PTPRD: variants seen among roughly 807,000 people sequenced by gnomAD.
The protein encoded by PTPRD is protein tyrosine phosphatase receptor type D.
A neutral mutation model predicts 214.5 loss-of-function variants in PTPRD; 34 were observed. The ratio of observed to expected loss-of-function variants is 0.16; its 90% confidence interval spans 0.12 to 0.21. PTPRD has a LOEUF of 0.21. Ranked by LOEUF, PTPRD falls within the 10% of genes least tolerant of loss-of-function variation. PTPRD has a pLI of 1.00. For synonymous variants in PTPRD, 1,128 were observed against 845.7 expected, an observed-to-expected ratio of 1.33 and a Z score of -5.79; for missense variants, 2,545 against 2,398.7, an observed-to-expected ratio of 1.06 and a Z score of -1.27.
At chr9:10,025,749 C>T (rs2096911352) in intron 4 of PTPRD, among the ~76,000 whole-genome samples, 2 of 152,226 alleles carry the variant, frequency 1.3e-5, no homozygotes, top group South Asian at 4.1e-4. Context: ...GAGAGCTGTG[C>T]CGCCTCCACT....
intron 7 of PTPRD, among the ~76,000 whole-genome samples, chr9:9,659,108 T>C (rs970560087): frequency 4.6e-5 from 7 of 152,136 alleles, no homozygotes; most frequent in Admixed American, 4.6e-4. Context: ...ACAGTTGCTT[T>C]TTTATTAAAT....
chr9:8,818,728 TTTAA>T (rs1381354909), intron 11 of PTPRD, among the ~76,000 whole-genome samples: 68 of 152,240 alleles, frequency 4.5e-4, no homozygotes, highest in African/African-American at 1.6e-3. Context: ...TACGCACATA[TTTAA>T]TTGTTACTAA....
chr9:10,413,136 T>C (rs2098454215), intron 2 of PTPRD, among the ~76,000 whole-genome samples: 1 of 151,804 alleles, frequency 6.6e-6, no homozygotes, highest in Non-Finnish European at 1.5e-5. Flanking sequence ...GAGAAAGATA[T>C]AAAAAGAATC....
chr9:9,215,020 A>T (rs1486482655), intron 9 of PTPRD, among the ~76,000 whole-genome samples: 1 of 152,174 alleles, frequency 6.6e-6, no homozygotes, highest in Non-Finnish European at 1.5e-5. Context: ...CACTACTTAT[A>T]TATTTGTTCA....
At position 9,241,798 on chromosome 9, in the gene PTPRD, A is replaced by C. The variant is rs974936973; in HGVS notation, c.-202-58435T>G. On this transcript the variant is annotated intron_variant, in intron 9 of 45. Coordinates refer to ENST00000381196, the MANE Select transcript of PTPRD (RefSeq NM_002839.4). ...ACTGATGGGTCTTGACTCTTTATCC[A>C]ATTTGCCAGTCTGTGTCTTTTAATT... is the stretch of plus-strand genomic sequence containing the variant. Among the ~76,000 whole-genome samples, 9 of 151,518 alleles carry C rather than the reference A, an allele frequency of 5.9e-5. No individual in the cohort carries two copies. In the East Asian group the frequency reaches 1.8e-3, roughly 30 times the overall value.
intron 10 of PTPRD, among the ~76,000 whole-genome samples, chr9:9,031,219 C>T (rs906852631): frequency 6.6e-6 from 1 of 151,892 alleles, no homozygotes; most frequent in Non-Finnish European, 1.5e-5. Flanking sequence ...TATTATATTA[C>T]TAATGCCTGA....
At chr9:8,319,150 G>A (rs988080416) in intron 45 of PTPRD, among the ~76,000 whole-genome samples, 3 of 152,088 alleles carry the variant, frequency 2.0e-5, no homozygotes, top group Non-Finnish European at 4.4e-5. Context: ...CCGTCTGAAA[G>A]ATACTGTGGA....
At chr9:10,529,875 A>G (rs1384124424) in intron 2 of PTPRD, among the ~76,000 whole-genome samples, 2 of 151,686 alleles carry the variant, frequency 1.3e-5, no homozygotes, top group Admixed American at 6.6e-5. Context: ...GGAAACAAGG[A>G]GGGGAACATC....
intron 5 of PTPRD, among the ~76,000 whole-genome samples, chr9:9,936,691 G>C (rs2089577635): frequency 1.5e-5 from 2 of 133,672 alleles, no homozygotes; most frequent in African/African-American, 6.0e-5. Context: ...TCTAGAACTA[G>C]AAATACCATT....
intron 2 of PTPRD, among the ~76,000 whole-genome samples, chr9:10,479,890 A>C (rs77179323): frequency 0.024 from 3,647 of 152,192 alleles, 147 homozygotes; most frequent in African/African-American, 0.082. Context: ...AAGAGTCTTC[A>C]ATCTGAAGGG....
intron 9 of PTPRD, among the ~76,000 whole-genome samples, chr9:9,212,602 G>T (rs1437394806): frequency 6.6e-6 from 1 of 152,154 alleles, no homozygotes; most frequent in Non-Finnish European, 1.5e-5. Context: ...ATAGAAAGCT[G>T]GGAGAAAAAC....
chr9:10,238,447 C>T (rs1402895116), intron 3 of PTPRD, among the ~76,000 whole-genome samples: 1 of 151,896 alleles, frequency 6.6e-6, no homozygotes, highest in African/African-American at 2.4e-5. Flanking sequence ...AACTTCCAAC[C>T]TTCTCCTTGT....
chr9:9,810,251 T>C (rs745761829), intron 5 of PTPRD, among the ~76,000 whole-genome samples: 1 of 152,030 alleles, frequency 6.6e-6, no homozygotes, highest in African/African-American at 2.4e-5. Flanking sequence ...ATACAAAATA[T>C]GTGTTAATCA....
intron 2 of PTPRD, among the ~76,000 whole-genome samples, chr9:10,550,950 C>G (rs2061214093): frequency 6.6e-6 from 1 of 152,172 alleles, no homozygotes; most frequent in Non-Finnish European, 1.5e-5. Context: ...TATGGCTGTA[C>G]ACTGTACACA....
At chr9:9,454,234 A>G (rs1172684688) in intron 8 of PTPRD, among the ~76,000 whole-genome samples, 2 of 151,734 alleles carry the variant, frequency 1.3e-5, no homozygotes, top group Non-Finnish European at 3.0e-5. Context: ...TGGGGAACAA[A>G]AAAAGCCCTG....
chr9:10,608,643 C>T (rs1221380298), intron 2 of PTPRD, among the ~76,000 whole-genome samples: 2 of 152,072 alleles, frequency 1.3e-5, no homozygotes, highest in East Asian at 3.9e-4. Flanking sequence ...ATTTATTTAC[C>T]TGACAGAGGT....
chr9:9,416,038 C>A (rs1328799295), intron 8 of PTPRD, among the ~76,000 whole-genome samples: 1 of 152,140 alleles, frequency 6.6e-6, no homozygotes. Flanking sequence ...GGTGCATTCT[C>A]GTCTCCTGCT....
At chr9:8,895,340 A>C (rs4237169) in intron 11 of PTPRD, among the ~76,000 whole-genome samples, 1 of 151,944 alleles carries the variant, frequency 6.6e-6, no homozygotes, top group African/African-American at 2.4e-5. Context: ...AAATAAAAAC[A>C]TAAGTCAAAT....
chr9:8,941,501 C>T (rs1362086666), intron 11 of PTPRD, among the ~76,000 whole-genome samples: 1 of 152,000 alleles, frequency 6.6e-6, no homozygotes, highest in Non-Finnish European at 1.5e-5. Context: ...AGCTGTGAGA[C>T]CTTGGGTAAG....
Sources: allele counts gnomAD v4.1 joint callset (sites outside exome capture counted in the v4.1 genomes callset), GRCh38; gene constraint gnomAD v4.1.1; transcripts MANE v1.5; gene names NCBI Gene and HGNC (gene_info 2026-07-23, HGNC 2026-07-21).